ZNF678: variants seen among roughly 807,000 people sequenced by gnomAD.
ZNF678 encodes zinc finger protein 678, also known as hypothetical protein MGC42493.
Under a neutral mutation model 3.0 loss-of-function variants are expected in ZNF678, and 5 were observed. The observed-to-expected ratio is 1.69, with a 90% CI of 0.88 to 3.56. ZNF678 has a LOEUF of 3.56. Ranked by LOEUF, ZNF678 falls within the 30% of genes most tolerant of loss-of-function variation. The pLI, the probability that ZNF678 is intolerant of heterozygous loss-of-function variation, is 0.00. For synonymous variants in ZNF678, 218 were observed against 199.6 expected, an observed-to-expected ratio of 1.09 and a Z score of -0.78; for missense variants, 593 against 605.0, an observed-to-expected ratio of 0.98 and a Z score of 0.21.
rs974816035 is a variant in ZNF678, at chr1:227,589,642, A to T, written c.-164+25918A>T. Among the ~76,000 whole-genome samples the T allele has an allele frequency of 2.4e-4, 36 of 151,696 alleles. 1 individual carries two copies. Among genetic ancestry groups the T allele is most frequent in the African/African-American group, 8.0e-4 (33 of 41,124 alleles). On this transcript the variant is annotated intron_variant, in intron 1 of 3. Transcript: ENST00000343776. ...GTGAGAGGGCTGTGATCAATTGAGC[A>T]AGCAGGGGGTGCATGACTGGGGACT...
At chr1:227,678,693 T>C (rs369329044), downstream of ZNF678, among the ~76,000 whole-genome samples, 6 of 152,280 alleles carry the variant, frequency 3.9e-5, no homozygotes, top group South Asian at 1.2e-3. Flanking sequence ...TTCCATAAGA[T>C]ACCCAAAAAT....
intron 1 of ZNF678, among the ~76,000 whole-genome samples, chr1:227,613,013 C>T (rs1658057723): frequency 6.6e-6 from 1 of 152,158 alleles, no homozygotes; most frequent in Non-Finnish European, 1.5e-5. Context: ...CAAAATTGGG[C>T]ACTGGGGAAT....
chr1:227,635,504 AG>A (rs1227144156), intron 1 of ZNF678, among the ~76,000 whole-genome samples: 1 of 134,592 alleles, frequency 7.4e-6, no homozygotes, highest in Non-Finnish European at 1.6e-5. Context: ...AGGTGAATTT[AG>A]GGTGAACATT....
At chr1:227,577,844 A>G (rs1029895050) in intron 1 of ZNF678, among the ~76,000 whole-genome samples, 2 of 152,080 alleles carry the variant, frequency 1.3e-5, no homozygotes, top group African/African-American at 2.4e-5. Flanking sequence ...TGGTCTGTGT[A>G]CTTCAGTGTG....
chr1:227,576,875 T>C (rs530714641), intron 1 of ZNF678, among the ~76,000 whole-genome samples: 33 of 152,342 alleles, frequency 2.2e-4, no homozygotes, highest in African/African-American at 7.5e-4. Context: ...CATTTAGTGT[T>C]ATAATTTTCC....
At chr1:227,579,675 G>A (rs1657077073) in intron 1 of ZNF678, among the ~76,000 whole-genome samples, 1 of 152,108 alleles carries the variant, frequency 6.6e-6, no homozygotes, top group Non-Finnish European at 1.5e-5. Context: ...GTGCATCAGT[G>A]CAAAAGCTAC....
rs772359886 is a variant in ZNF678 at position 227,584,564 on chromosome 1, T to C, written c.-164+20840T>C. ...ACATGTCAAACATGTTAAAAAATAT[T>C]CCATGATACTTGTTAAAGCATAATG... On this transcript the variant is annotated intron_variant, in intron 1 of 3. Transcript: ENST00000343776. Among the ~76,000 whole-genome samples the C allele has an allele frequency of 2.6e-5, 4 of 152,334 alleles. No individual in the cohort carries two copies. The South Asian group carries it at 6.2e-4, about 24-fold the overall frequency.
chr1:227,641,839 A>G (rs559144456), intron 1 of ZNF678, among the ~76,000 whole-genome samples: 1 of 152,208 alleles, frequency 6.6e-6, no homozygotes, highest in South Asian at 2.1e-4. Flanking sequence ...CAGACCCAAA[A>G]CTGAGTCAGA....
chr1:227,602,689 G>T (rs1297469825), intron 1 of ZNF678, among the ~76,000 whole-genome samples: 1 of 152,122 alleles, frequency 6.6e-6, no homozygotes. Context: ...TTAGGTATTG[G>T]GCTCTAAGCA....
At chr1:227,604,354 A>C (rs1033053038) in intron 1 of ZNF678, among the ~76,000 whole-genome samples, 6 of 152,160 alleles carry the variant, frequency 3.9e-5, no homozygotes, top group African/African-American at 1.2e-4. Context: ...GTTTGTTGTT[A>C]AATCATTCTA....
chr1:227,564,464 G>C (rs1182043078), intron 1 of ZNF678, among the ~76,000 whole-genome samples: 2 of 152,218 alleles, frequency 1.3e-5, no homozygotes, highest in African/African-American at 2.4e-5. Context: ...CTGCACAAGA[G>C]ACTGCTTTTC....
At chr1:227,641,301 T>A (rs191876085) in intron 1 of ZNF678, among the ~76,000 whole-genome samples, 1 of 152,186 alleles carries the variant, frequency 6.6e-6, no homozygotes, top group Non-Finnish European at 1.5e-5. Context: ...ACATGCTGTT[T>A]TAATGAGCGC....
At chr1:227,640,957 T>C (rs552760797) in intron 1 of ZNF678, among the ~76,000 whole-genome samples, 3 of 152,176 alleles carry the variant, frequency 2.0e-5, no homozygotes, top group Non-Finnish European at 2.9e-5. Context: ...GACCAGATGA[T>C]CATTGAGTAC....
In ZNF678 at chr1:227,599,645, C is replaced by A. The variant is rs190763143; in HGVS notation, c.-164+35921C>A. Among the ~76,000 whole-genome samples the A allele has an allele frequency of 4.0e-3, 612 of 152,010 alleles. 5 individuals carry two copies. The highest frequency in any genetic ancestry group is 0.014 in the African/African-American group (564 of 41,452). Reference sequence around the variant, plus strand: ...TAGTTTTATTATGCCATAGTAGTTGCTATTAGAGAATTTTTTTTTCCCGGC... The same window carrying A: ...TAGTTTTATTATGCCATAGTAGTTGATATTAGAGAATTTTTTTTTCCCGGC... On this transcript the variant is annotated intron_variant, in intron 1 of 3. Coordinates refer to ENST00000343776, the MANE Select transcript of ZNF678 (RefSeq NM_001367909.1).
At chr1:227,618,110 G>T (rs1658186544) in intron 1 of ZNF678, among the ~76,000 whole-genome samples, 1 of 152,218 alleles carries the variant, frequency 6.6e-6, no homozygotes, top group Non-Finnish European at 1.5e-5. Context: ...ATGATAGCCA[G>T]CTACCTGGCG....
At chr1:227,613,528 A>G (rs1363486469) in intron 1 of ZNF678, among the ~76,000 whole-genome samples, 1 of 152,186 alleles carries the variant, frequency 6.6e-6, no homozygotes, top group African/African-American at 2.4e-5. Context: ...TTGCTGCCTC[A>G]CTAGGTCTTT....
At chr1:227,676,971 G>A (rs558186498) in intron 5 of ZNF678, among the ~76,000 whole-genome samples, 27 of 152,174 alleles carry the variant, frequency 1.8e-4, no homozygotes, top group African/African-American at 4.8e-4. Flanking sequence ...GAATAGTGCC[G>A]CAATAAATAT....
intron 1 of ZNF678, among the ~76,000 whole-genome samples, chr1:227,635,745 G>A (rs558097339): frequency 5.9e-5 from 9 of 152,212 alleles, no homozygotes; most frequent in South Asian, 2.1e-4. Context: ...TCAGGGGTAC[G>A]TGTCTTCTGG....
At chr1:227,580,618 A>T (rs1657101615) in intron 1 of ZNF678, among the ~76,000 whole-genome samples, 1 of 152,122 alleles carries the variant, frequency 6.6e-6, no homozygotes, top group South Asian at 2.1e-4. Flanking sequence ...CTAACTTCTA[A>T]GTCTATTTTG....
Sources: gnomAD v4.1 joint callset for allele counts (sites outside exome capture counted in the v4.1 genomes callset) on GRCh38, gnomAD v4.1.1 for gene constraint, MANE v1.5 for transcripts, NCBI Gene and HGNC (gene_info 2026-07-23, HGNC 2026-07-21) for gene names.